The following TRIM2 variants were observed in gnomAD, a reference collection of about 807,000 sequenced individuals.
TRIM2 encodes tripartite motif containing 2.
In TRIM2, 20 loss-of-function variants were observed where a neutral mutation model predicts 75.2. The ratio of observed to expected loss-of-function variants is 0.27; its 90% confidence interval spans 0.19 to 0.39. The LOEUF (loss-of-function observed/expected upper bound fraction) is 0.39, where lower values mean the gene tolerates loss of function less well. Among genes scored for constraint, TRIM2 ranks in the 10% least tolerant of loss-of-function variants. The pLI, the probability that TRIM2 is intolerant of heterozygous loss-of-function variation, is 1.00. For synonymous variants in TRIM2, 373 were observed against 388.3 expected, an observed-to-expected ratio of 0.96 and a Z score of 0.46; for missense variants, 660 against 990.8, an observed-to-expected ratio of 0.67 and a Z score of 4.48.
At chr4:153,314,307 C>G (rs1767079834) in intron 6 of TRIM2, among the ~76,000 whole-genome samples, 1 of 147,488 alleles carries the variant, frequency 6.8e-6, no homozygotes, top group African/African-American at 2.6e-5. Context: ...GTAGTCCCAG[C>G]TACTTGGGAG....
chr4:153,270,129 T>C lies in TRIM2; in HGVS notation c.31-206T>C, dbSNP rs2119163. On this transcript the variant is annotated intron_variant, in intron 1 of 11. Transcript: ENST00000338700. ...ATTTTTAGTAGAGACGGGGTTTCAC[T>C]GTGTTAGCCAGGAGGGTCTCGATCT... Among the ~76,000 whole-genome samples, 34,970 of 151,652 alleles carry C rather than the reference T, an allele frequency of 0.23. 4,568 individuals are homozygous for C. The highest frequency in any genetic ancestry group is 0.35 in the South Asian group (1,696 of 4,790).
At chr4:153,212,097 A>G (rs1737196014) in intron 1 of TRIM2, among the ~76,000 whole-genome samples, 1 of 152,162 alleles carries the variant, frequency 6.6e-6, no homozygotes, top group Non-Finnish European at 1.5e-5. Flanking sequence ...TGCAGGCTTC[A>G]ACCCTTATGA....
intron 6 of TRIM2, among the ~76,000 whole-genome samples, chr4:153,298,271 A>T (rs1763155344): frequency 6.6e-6 from 1 of 152,240 alleles, no homozygotes; most frequent in Admixed American, 6.5e-5. Context: ...CCATAACAAA[A>T]TTCCACAGTC....
chr4:153,322,619 A>G, intron 8 of TRIM2, 29 bp from the exon 9 acceptor site: 6 of 1,609,188 alleles, frequency 3.7e-6, no homozygotes, highest in Non-Finnish European at 5.1e-6. Context: ...TCTATACTGT[A>G]CTTCTATTTC....
chr4:153,329,989 T>G (rs1437480160), intron 11 of TRIM2, among the ~76,000 whole-genome samples: 2 of 151,934 alleles, frequency 1.3e-5, no homozygotes, highest in African/African-American at 4.8e-5. Context: ...CACAAAATAC[T>G]AATATTAATA....
intron 1 of TRIM2, among the ~76,000 whole-genome samples, chr4:153,252,320 G>A (rs1751061411): frequency 6.6e-6 from 1 of 152,042 alleles, no homozygotes; most frequent in African/African-American, 2.4e-5. Context: ...GCACATCCTG[G>A]GGCAGGTGAC....
intron 1 of TRIM2, among the ~76,000 whole-genome samples, chr4:153,173,523 G>A (rs10002011): frequency 0.47 from 71,384 of 151,004 alleles, 17,011 homozygotes; most frequent in African/African-American, 0.53. Context: ...TTAGCTGGGC[G>A]TGGTGGCGGG....
chr4:153,161,546 T>C (rs1729737532), intron 1 of TRIM2, among the ~76,000 whole-genome samples: 1 of 152,244 alleles, frequency 6.6e-6, no homozygotes, highest in Non-Finnish European at 1.5e-5. Context: ...TTTCCTGATA[T>C]ACTCTGCATA....
At chr4:153,166,122 A>G (rs1413555203) in intron 1 of TRIM2, among the ~76,000 whole-genome samples, 1 of 152,164 alleles carries the variant, frequency 6.6e-6, no homozygotes, top group East Asian at 1.9e-4. Flanking sequence ...TTTTTAAAAA[A>G]AAATCCTGTT....
At position 153,339,083 on chromosome 4, in the gene TRIM2, T is replaced by C. The variant is rs927667992; in HGVS notation, c.*4117T>C. The C allele has an allele frequency of 1.0e-6, 1 of 985,854 alleles. No homozygotes were observed. The highest frequency in any genetic ancestry group is 1.2e-6 in the Non-Finnish European group (1 of 829,904). The allele number at this position is 985,854 out of a possible 1,614,324, so 61.1% of individuals were successfully genotyped here. A position where few individuals can be genotyped will look rare whatever the true frequency, so the allele number is the denominator to read the frequency against. ...CATTGATACTGATATATTCTCGTCA[T>C]TTGTTCTTTTATGAATCAAAATGTT... On this transcript the variant is annotated 3_prime_UTR_variant, in exon 12 of 12. Coordinates refer to ENST00000338700, the MANE Select transcript of TRIM2 (RefSeq NM_015271.5).
intron 1 of TRIM2, among the ~76,000 whole-genome samples, chr4:153,267,639 A>G (rs1755579300): frequency 6.6e-6 from 1 of 152,244 alleles, no homozygotes; most frequent in African/African-American, 2.4e-5. Flanking sequence ...TGACAAAGCG[A>G]GACTCCATCT....
At position 153,284,639 on chromosome 4, in the gene TRIM2, T is replaced by G. The variant is rs538482813; in HGVS notation, c.454-8343T>G. 3.3e-5 allele frequency among the ~76,000 whole-genome samples: 5 copies of G among 152,368 alleles called. No individual in the cohort carries two copies. In the South Asian group the frequency reaches 1.0e-3, roughly 32 times the overall value. ...TTTTCATCCTGACTTTTGATTCTAG[T>G]GAGTATGCAGTGATATCTTGTTGCG... On this transcript the variant is annotated intron_variant, in intron 3 of 11. Coordinates refer to ENST00000338700, the MANE Select transcript of TRIM2 (RefSeq NM_015271.5).
At chr4:153,301,342 T>C (rs1442313020) in intron 6 of TRIM2, among the ~76,000 whole-genome samples, 1 of 152,202 alleles carries the variant, frequency 6.6e-6, no homozygotes, top group Non-Finnish European at 1.5e-5. Flanking sequence ...CTTTGCCTAT[T>C]TTAAAATCAG....
Position 153,292,961 on chromosome 4 carries a change from C to T in TRIM2, c.454-21C>T, listed in dbSNP as rs777652029. The T allele has an allele frequency of 6.3e-6, 10 of 1,586,026 alleles. No individual in the cohort carries two copies. In the Admixed American group the frequency reaches 8.6e-5, roughly 14 times the overall value. On this transcript the variant is annotated intron_variant, in intron 3 of 11. Coordinates refer to ENST00000338700, the MANE Select transcript of TRIM2 (RefSeq NM_015271.5). ...TCAACCCATGGCCCAGAACCAGGAACTTTTCTTGTGTCATCCACAGGTGAT... is the reference window on the plus strand; with the variant it reads ...TCAACCCATGGCCCAGAACCAGGAATTTTTCTTGTGTCATCCACAGGTGAT...
intron 1 of TRIM2, among the ~76,000 whole-genome samples, chr4:153,156,473 C>A (rs530537389): frequency 2.0e-5 from 3 of 152,140 alleles, no homozygotes; most frequent in Admixed American, 6.5e-5. Context: ...CCACCTCCCC[C>A]ACATCCGCCA....
chr4:153,221,887 GA>G (rs1740310897), intron 1 of TRIM2, among the ~76,000 whole-genome samples: 1 of 101,414 alleles, frequency 9.9e-6, no homozygotes, highest in Non-Finnish European at 2.1e-5. Context: ...AAGGAGGAAG[GA>G]AGGAAGGAGG....
chr4:153,202,714 A>G (rs1286094592), upstream of TRIM2, among the ~76,000 whole-genome samples: 3 of 150,890 alleles, frequency 2.0e-5, no homozygotes, highest in Admixed American at 2.0e-4. Flanking sequence ...AAAAAAAAAA[A>G]AGAAATCATA....
In TRIM2 at chr4:153,285,758, T is replaced by C. The variant is rs28839538; in HGVS notation, c.454-7224T>C. Among the ~76,000 whole-genome samples, 245 of 136,420 alleles carry C rather than the reference T, an allele frequency of 1.8e-3. 1 individual carries two copies. The highest frequency in any genetic ancestry group is 3.3e-3 in the African/African-American group (107 of 32,020). The allele number at this position is 136,420 out of a possible 152,430, so 89.5% of individuals were successfully genotyped here. ...TTAGCTCTAATTGTGTGAATGTGTGTGCGTGTGTGTGTGTGTGTGTGTATT... is the reference window on the plus strand; with the variant it reads ...TTAGCTCTAATTGTGTGAATGTGTGCGCGTGTGTGTGTGTGTGTGTGTATT... On this transcript the variant is annotated intron_variant, in intron 3 of 11. Transcript: ENST00000338700.
intron 3 of TRIM2, among the ~76,000 whole-genome samples, chr4:153,277,499 C>T (rs1281424405): frequency 6.6e-6 from 1 of 152,142 alleles, no homozygotes; most frequent in Admixed American, 6.5e-5. Context: ...GTCATTAGAC[C>T]CCTAGCACTG....
Sources: allele counts gnomAD v4.1 joint callset (sites outside exome capture counted in the v4.1 genomes callset), GRCh38; gene constraint gnomAD v4.1.1; transcripts MANE v1.5; gene names NCBI Gene and HGNC (gene_info 2026-07-23, HGNC 2026-07-21).